Variants in CCDC178 observed in about 807,000 individuals in gnomAD.
The protein encoded by CCDC178 is coiled-coil domain containing 178, also known as coiled-coil domain-containing protein 178.
A neutral mutation model predicts 117.4 loss-of-function variants in CCDC178; 126 were observed. The ratio of observed to expected loss-of-function variants is 1.07; its 90% CI spans 0.93 to 1.24. The LOEUF (loss-of-function observed/expected upper bound fraction) is 1.24. Ranked by LOEUF, CCDC178 falls within the 50% of genes most tolerant of loss-of-function variation. The pLI is 0.00. For synonymous variants in CCDC178, 283 were observed against 313.4 expected (o/e 0.90, Z 1.02); for missense variants, 1,030 against 986.9 (o/e 1.04, Z -0.59).
intron 20 of CCDC178, among the ~76,000 whole-genome samples, chr18:33,203,122 ATTG>A (rs1459962868): frequency 6.6e-6 from 1 of 152,106 alleles, no homozygotes; most frequent in African/African-American, 2.4e-5. Flanking sequence ...AAGGTATATC[ATTG>A]TTGTATTAAT....
intron 21 of CCDC178, among the ~76,000 whole-genome samples, chr18:33,084,264 TTTTAA>T (rs2057343022): frequency 1.3e-5 from 2 of 152,206 alleles, no homozygotes; most frequent in Non-Finnish European, 1.5e-5. Flanking sequence ...AAAAATATTC[TTTTAA>T]TTTGTTTGGA....
intron 12 of CCDC178, among the ~76,000 whole-genome samples, chr18:33,273,436 A>AT (rs2059911424): frequency 6.6e-6 from 1 of 151,630 alleles, no homozygotes; most frequent in African/African-American, 2.4e-5. Context: ...AACACTTAAT[A>AT]TTATTAAGAT....
At chr18:33,375,280 A>AT (rs1222725610) in intron 5 of CCDC178, among the ~76,000 whole-genome samples, 3 of 151,982 alleles carry the variant, frequency 2.0e-5, no homozygotes, top group African/African-American at 7.3e-5. Context: ...CTGTTCACCT[A>AT]TTTTTTCTCA....
chr18:32,942,612 T>C (rs1031909195), intron 22 of CCDC178, among the ~76,000 whole-genome samples: 3 of 152,142 alleles, frequency 2.0e-5, no homozygotes, highest in African/African-American at 7.2e-5. Flanking sequence ...TAAATGTATA[T>C]ATTTCAGTTG....
At chr18:33,311,734 G>A (rs1443625487) in intron 11 of CCDC178, among the ~76,000 whole-genome samples, 1 of 152,152 alleles carries the variant, frequency 6.6e-6, no homozygotes, top group Non-Finnish European at 1.5e-5. Context: ...AGATTGACAG[G>A]GCCTGGGGAC....
intron 14 of CCDC178, among the ~76,000 whole-genome samples, chr18:33,261,445 T>C (rs2059749869): frequency 6.6e-6 from 1 of 152,208 alleles, no homozygotes; most frequent in African/African-American, 2.4e-5. Flanking sequence ...TTACATCTTC[T>C]TTAATTTGCT....
At chr18:33,310,918 G>A (rs561117802) in intron 11 of CCDC178, among the ~76,000 whole-genome samples, 2 of 152,198 alleles carry the variant, frequency 1.3e-5, no homozygotes, top group South Asian at 4.1e-4. Context: ...CAGTAACCCA[G>A]AGTGGGGCAT....
intron 20 of CCDC178, among the ~76,000 whole-genome samples, chr18:33,150,128 T>C (rs1431532594): frequency 1.3e-5 from 2 of 152,052 alleles, no homozygotes; most frequent in Non-Finnish European, 2.9e-5. Context: ...ATAAAAAACA[T>C]ATCTCGGGGA....
intron 14 of CCDC178, among the ~76,000 whole-genome samples, chr18:33,265,234 C>A (rs577310522): frequency 6.6e-6 from 1 of 151,774 alleles, no homozygotes. Context: ...GTATCATGGT[C>A]ATTTTTTCCT....
intron 22 of CCDC178, among the ~76,000 whole-genome samples, chr18:32,952,897 C>T (rs1222413036): frequency 2.6e-5 from 4 of 151,716 alleles, no homozygotes; most frequent in Non-Finnish European, 2.9e-5. Context: ...CTCAGCCTCC[C>T]GAGTAGCTGG....
chr18:33,092,332 T>C (rs1273575642), intron 21 of CCDC178, among the ~76,000 whole-genome samples: 1 of 152,050 alleles, frequency 6.6e-6, no homozygotes, highest in Non-Finnish European at 1.5e-5. Context: ...GAAAGTCAGC[T>C]ATTTTTCCAA....
chr18:33,399,818 T>C (rs1339651583), intron 3 of CCDC178, among the ~76,000 whole-genome samples: 4 of 152,196 alleles, frequency 2.6e-5, no homozygotes, highest in Non-Finnish European at 4.4e-5. Flanking sequence ...CCTTCTCTCA[T>C]GAATCATGAA....
At chr18:33,167,508 G>A (rs1281578936) in intron 20 of CCDC178, among the ~76,000 whole-genome samples, 1 of 152,082 alleles carries the variant, frequency 6.6e-6, no homozygotes, top group Non-Finnish European at 1.5e-5. Context: ...TTTCTCTAAT[G>A]ACTAGTGATG....
At chr18:33,390,638 C>G (rs1414048165) in intron 4 of CCDC178, among the ~76,000 whole-genome samples, 1 of 151,934 alleles carries the variant, frequency 6.6e-6, no homozygotes, top group East Asian at 1.9e-4. Context: ...CAAAACTAAG[C>G]TATGGTGATA....
At chr18:33,331,444 T>C (rs1178482240) in intron 10 of CCDC178, among the ~76,000 whole-genome samples, 1 of 152,152 alleles carries the variant, frequency 6.6e-6, no homozygotes, top group East Asian at 2.0e-4. Context: ...GCAGCTATCA[T>C]ATCAAGGTTG....
At chr18:33,083,452 T>C (rs1307186244) in intron 21 of CCDC178, among the ~76,000 whole-genome samples, 2 of 152,202 alleles carry the variant, frequency 1.3e-5, no homozygotes, top group Non-Finnish European at 2.9e-5. Context: ...AAGTGTCAAT[T>C]TCAGTGCTTC....
chr18:33,019,590 C>T (rs2056068838), intron 21 of CCDC178, among the ~76,000 whole-genome samples: 1 of 152,084 alleles, frequency 6.6e-6, no homozygotes, highest in African/African-American at 2.4e-5. Context: ...AACAAAAAAT[C>T]ATTTATTGAG....
chr18:33,091,321 A>ATTTTTTTT (rs1415932731), intron 21 of CCDC178, among the ~76,000 whole-genome samples: 46 of 18,290 alleles, frequency 2.5e-3, no homozygotes, highest in Non-Finnish European at 6.0e-3. Context: ...CACTTATTTC[A>ATTTTTTTT]TTCTTTTTTT....
rs79360995 is a variant in CCDC178, at chr18:33,358,014, G to A, written c.349-1668C>T. 5.7e-3 allele frequency among the ~76,000 whole-genome samples: 861 copies of A among 152,002 alleles called. 7 individuals carry two copies. Among genetic ancestry groups the A allele is most frequent in the African/African-American group, 0.019 (770 of 41,498 alleles). On this transcript the variant is annotated intron_variant, in intron 6 of 22. Coordinates refer to ENST00000383096, the MANE Select transcript of CCDC178 (RefSeq NM_001105528.4). ...GTGGTATAGCCTACTACACACTTAG[G>A]CTATATGGTATAGTCTATTGCCCCT...
Sources: gnomAD v4.1 joint callset for allele counts (sites outside exome capture counted in the v4.1 genomes callset) on GRCh38, gnomAD v4.1.1 for gene constraint, MANE v1.5 for transcripts, NCBI Gene and HGNC (gene_info 2026-07-23, HGNC 2026-07-21) for gene names.